STON2: variants seen among roughly 807,000 people sequenced by gnomAD.
STON2 encodes the protein stonin 2.
STON2 carries 29 observed loss-of-function variants against 65.7 expected under a neutral mutation model. The ratio of observed to expected loss-of-function variants is 0.44; its 90% CI spans 0.33 to 0.60. STON2 has a LOEUF of 0.60. Ranked by LOEUF, STON2 falls within the 20% of genes least tolerant of loss-of-function variation. STON2 has a pLI of 0.03. For missense variants in STON2, 1,054 were observed against 1,118.1 expected (o/e 0.94, Z 0.82); for synonymous variants, 404 against 414.2 (o/e 0.98, Z 0.30).
chr14:81,382,524 A>G (rs1899574825), intron 3 of STON2, among the ~76,000 whole-genome samples: 1 of 152,036 alleles, frequency 6.6e-6, no homozygotes, highest in Non-Finnish European at 1.5e-5. Flanking sequence ...TCATCATGAA[A>G]CTCAGAAGGT....
At chr14:81,315,193 TAGTA>T (rs1178652023) in intron 5 of STON2, among the ~76,000 whole-genome samples, 1 of 152,202 alleles carries the variant, frequency 6.6e-6, no homozygotes, top group South Asian at 2.1e-4. Context: ...TAAGCAATAA[TAGTA>T]AGAGAAAGTT....
At chr14:81,307,343 G>A (rs1896221331) in intron 5 of STON2, among the ~76,000 whole-genome samples, 3 of 152,180 alleles carry the variant, frequency 2.0e-5, no homozygotes, top group Admixed American at 2.0e-4. Flanking sequence ...CATTCCTTGA[G>A]GCTGATTGAG....
In STON2 at chr14:81,269,725, C is replaced by T. The variant is rs576879483; in HGVS notation, c.2784+945G>A. 12 of 985,112 alleles carry T rather than the reference C, an allele frequency of 1.2e-5. No individual in the cohort carries two copies. In the South Asian group the frequency reaches 3.8e-4, roughly 31 times the overall value. The allele number at this position is 985,112 out of a possible 1,614,324, so 61.0% of individuals were successfully genotyped here. The stretch of plus-strand genomic sequence containing the variant: ...CAAGGATATTATTATAAATAGAAAA[C>T]CACTTTGCAAAATCCTTCTTTAACA... On this transcript the variant is annotated intron_variant, in intron 7 of 7. Transcript: ENST00000614646.
Position 81,262,603 on chromosome 14 carries a change from C to A in STON2, c.*5811G>T. The A allele has an allele frequency of 3.0e-6, 3 of 985,366 alleles. No individual in the cohort carries two copies. Among genetic ancestry groups the A allele is most frequent in the Non-Finnish European group, 3.6e-6 (3 of 829,872 alleles). The allele number at this position is 985,366 out of a possible 1,614,324, so 61.0% of individuals were successfully genotyped here. A position where few individuals can be genotyped will look rare whatever the true frequency, so the allele number is the denominator to read the frequency against. ...GTCTATTCTCTTGTAGCTTTTGTTA[C>A]ATCCAATGATCATTTGCCTCTCTCC... On this transcript the variant is annotated 3_prime_UTR_variant, in exon 8 of 8. Coordinates refer to ENST00000614646, the MANE Select transcript of STON2 (RefSeq NM_001394390.1).
At chr14:81,307,052 TCTGA>T (rs1318509687) in intron 5 of STON2, among the ~76,000 whole-genome samples, 1 of 152,218 alleles carries the variant, frequency 6.6e-6, no homozygotes, top group Non-Finnish European at 1.5e-5. Flanking sequence ...CTATAGAAAC[TCTGA>T]CTGTTATAAC....
chr14:81,352,515 A>G (rs1898062705), intron 4 of STON2, among the ~76,000 whole-genome samples: 1 of 152,156 alleles, frequency 6.6e-6, no homozygotes, highest in Non-Finnish European at 1.5e-5. Context: ...GAAAAAACAC[A>G]GCATCTTATA....
intron 4 of STON2, among the ~76,000 whole-genome samples, chr14:81,364,162 C>G (rs557487333): frequency 6.6e-6 from 1 of 152,234 alleles, no homozygotes; most frequent in Non-Finnish European, 1.5e-5. Flanking sequence ...GAAAAAGAAA[C>G]TGAGTTCAAA....
chr14:81,373,794 G>A (rs1899115934), intron 3 of STON2, among the ~76,000 whole-genome samples: 1 of 152,078 alleles, frequency 6.6e-6, no homozygotes, highest in Non-Finnish European at 1.5e-5. Context: ...GCTGAAGATA[G>A]GAAAGAAAAT....
rs35650607 is a variant in STON2, at chr14:81,277,273, C to T, written c.2209G>A (p.Val737Met). Residue 737 changes from valine to methionine, a missense_variant, in exon 6 of 8, where the codon GTG becomes ATG. Val to Met is a conservative substitution (Grantham distance 21, BLOSUM62 1). Transcript: ENST00000614646. ...CRFELMRFRT[V>M]FAEKTLPFTL... ...AAAGGCAAGGTCTTCTCAGCAAACA[C>T]TGTCCTGAACCGCATTAGCTCAAAC... The T allele has an allele frequency of 6.7e-4, 1,080 of 1,614,220 alleles. 5 individuals carry two copies. In the Middle Eastern group the frequency reaches 9.6e-3, roughly 14 times the overall value.
intron 4 of STON2, among the ~76,000 whole-genome samples, 199 bp from the exon 5 acceptor site, chr14:81,324,386 C>G (rs559381973): frequency 2.8e-4 from 42 of 152,364 alleles, no homozygotes; most frequent in African/African-American, 9.6e-4. Flanking sequence ...GGCATGGGTA[C>G]TTAGGGAGGC....
At chr14:81,364,922 T>A (rs1270563320) in intron 4 of STON2, among the ~76,000 whole-genome samples, 1 of 152,186 alleles carries the variant, frequency 6.6e-6, no homozygotes, top group African/African-American at 2.4e-5. Flanking sequence ...GGACCCTGTA[T>A]GGCAGATTCA....
intron 1 of STON2, among the ~76,000 whole-genome samples, chr14:81,428,849 C>T (rs1595476656): frequency 6.6e-6 from 1 of 152,148 alleles, no homozygotes; most frequent in African/African-American, 2.4e-5. Flanking sequence ...TAGCTAACTT[C>T]AAAGGGCAGC....
chr14:81,338,908 G>C (rs1595369090), intron 4 of STON2, among the ~76,000 whole-genome samples: 1 of 152,162 alleles, frequency 6.6e-6, no homozygotes, highest in Non-Finnish European at 1.5e-5. Context: ...TGGAGGTGCT[G>C]GCAATTGAGC....
chr14:81,332,858 T>A (rs975643697), intron 4 of STON2: 1 of 180,762 alleles, frequency 5.5e-6, no homozygotes, highest in African/African-American at 2.4e-5. Context: ...TTTTAGTTTA[T>A]TGATCTTCCT....
chr14:81,303,059 G>GGTGTGT (rs56117739), intron 5 of STON2, among the ~76,000 whole-genome samples: 4,819 of 97,020 alleles, frequency 0.05, 245 homozygotes, highest in African/African-American at 0.12. Context: ...ATGTGTGGGG[G>GGTGTGT]GTGTGTGTGT....
At position 81,277,078 on chromosome 14, in the gene STON2, C is replaced by T. The variant is rs758770545; in HGVS notation, c.2404G>A (p.Glu802Lys). ...PSEWVKNFRR[E>K]SVLGEKSLKA... Reference sequence around the variant, plus strand: ...AAAGACTTTTCCCCCAGGACACTTTCCCTGCGGAAGTTTTTCACCCACTCA... The same window carrying T: ...AAAGACTTTTCCCCCAGGACACTTTTCCTGCGGAAGTTTTTCACCCACTCA... Residue 802 changes from glutamate to lysine, a missense_variant, in exon 6 of 8, where the codon GAA becomes AAA. Glu to Lys is a moderately conservative substitution (Grantham distance 56, BLOSUM62 1). Transcript: ENST00000614646. The T allele has an allele frequency of 6.2e-7, 1 of 1,614,192 alleles. No homozygotes were observed.
intron 5 of STON2, among the ~76,000 whole-genome samples, chr14:81,287,160 T>C (rs952685508): frequency 1.3e-5 from 2 of 152,180 alleles, no homozygotes; most frequent in African/African-American, 4.8e-5. Flanking sequence ...ATCAAGCTTA[T>C]CAAGGGAGCT....
At chr14:81,270,918 G>A (rs762861129) in intron 6 of STON2, 46 bp from the exon 7 acceptor site, 1 of 1,590,998 alleles carries the variant, frequency 6.3e-7, no homozygotes, top group Non-Finnish European at 8.5e-7. Flanking sequence ...TGGGGAGAAA[G>A]TGGAAGGAGC....
chr14:81,384,472 G>C (rs1366748306), intron 3 of STON2, among the ~76,000 whole-genome samples: 2 of 151,588 alleles, frequency 1.3e-5, no homozygotes, highest in Non-Finnish European at 2.9e-5. Context: ...CTGACCTCAA[G>C]TGATCTGCCC....
Sources: gnomAD v4.1 joint callset for allele counts (sites outside exome capture counted in the v4.1 genomes callset) on GRCh38, gnomAD v4.1.1 for gene constraint, MANE v1.5 for transcripts, NCBI Gene and HGNC (gene_info 2026-07-23, HGNC 2026-07-21) for gene names.